Variants in CDHR5 observed in about 807,000 individuals in gnomAD.
CDHR5 encodes the protein cadherin-related family member 5.
Under a neutral mutation model 69.5 loss-of-function variants are expected in CDHR5, and 82 were observed. That is an observed-to-expected ratio of 1.18 (90% confidence interval 0.99 to 1.42). The LOEUF (loss-of-function observed/expected upper bound fraction) is 1.42. CDHR5 is among the 40% of genes most tolerant of loss of function. CDHR5 has a pLI of 0.00. For missense variants in CDHR5, 1,293 were observed against 1,168.9 expected (o/e 1.11, Z -1.55); for synonymous variants, 601 against 510.2 (o/e 1.18, Z -2.40).
Position 621,675 on chromosome 11 carries a change from G to A in CDHR5, c.406-12C>T, listed in dbSNP as rs1589942183. 1.9e-6 allele frequency: 3 copies of A among 1,601,602 alleles called. No individual in the cohort carries two copies. In the South Asian group the frequency reaches 3.3e-5, roughly 18 times the overall value. ...TTCACTTTCGTGTCCTGGGGAGGGA[G>A]AGGGGCTTGGTCCGGCCACACTCTT... On this transcript the variant is annotated splice_polypyrimidine_tract_variant and intron_variant, in intron 4 of 14. Coordinates refer to ENST00000397542, the MANE Select transcript of CDHR5 (RefSeq NM_021924.5). This position sits in a 1 kb window ranked among gnomAD's most constrained non-coding sequence, Gnocchi z 4.4.
chr11:621,979 C>T lies in CDHR5; in HGVS notation c.313-75G>A, dbSNP rs1857435445. On this transcript the variant is annotated intron_variant, in intron 3 of 14. Coordinates refer to ENST00000397542, the MANE Select transcript of CDHR5 (RefSeq NM_021924.5). The surrounding 1 kb of genome is among the most constrained non-coding windows in gnomAD (Gnocchi z 4.4). ...GTGCACCCCTCGACGGCTATCCGTC[C>T]CCACCGTGAGTGAGGTGCACCCCTC... The T allele has an allele frequency of 8.3e-7, 1 of 1,211,344 alleles. No homozygotes were observed. Among genetic ancestry groups the T allele is most frequent in the Non-Finnish European group, 1.2e-6 (1 of 847,050 alleles). 75.0% of individuals were successfully genotyped at this position (1,211,344 alleles called of 1,614,324 possible).
rs755291329 is a variant in CDHR5, at chr11:619,294, AG to A, written c.1378+11del. 5 of 1,582,520 alleles carry A rather than the reference AG, an allele frequency of 3.2e-6. No homozygotes were observed. The highest frequency in any genetic ancestry group is 3.3e-5 in the Admixed American group (2 of 59,726). On this transcript the variant is annotated intron_variant, in intron 12 of 14. Transcript: ENST00000397542. ...GAGAACCCTGGGGGCTCACCTGTGG[AG>A]GGGGGCTTACCTGTGGAGGGGGGCT... is the stretch of plus-strand genomic sequence containing the variant.
At chr11:619,982 TGCCCCG>T in intron 9 of CDHR5, 79 bp downstream of exon 9, 1 of 1,354,522 alleles carries the variant, frequency 7.4e-7, no homozygotes, top group Non-Finnish European at 9.9e-7. Flanking sequence ...GCGGGGGCCC[TGCCCCG>T]GCCCCCCAGC....
rs779296980 is a variant in CDHR5, at chr11:619,018, G to T, written c.1541C>A (p.Thr514Asn). Reference sequence around the variant, plus strand: ...CGGGGGCCCCCCGGGTGTGGACGAGGTTGGTGGCCTCAGAGTTGTGCCAGA... The same window carrying T: ...CGGGGGCCCCCCGGGTGTGGACGAGTTTGGTGGCCTCAGAGTTGTGCCAGA... Reference protein sequence around the residue: ...PPSGTTLRPPTSSTPGGPPGA... With the variant: ...PPSGTTLRPPNSSTPGGPPGA... Residue 514 changes from threonine to asparagine, a missense_variant, in exon 13 of 15, where the codon ACC becomes AAC. Physicochemically the swap from Thr to Asn is moderately conservative, Grantham distance 65 (BLOSUM62 0). Coordinates refer to ENST00000397542, the MANE Select transcript of CDHR5 (RefSeq NM_021924.5). 4 of 1,613,678 alleles carry T rather than the reference G, an allele frequency of 2.5e-6. No individual in the cohort carries two copies. Among genetic ancestry groups the T allele is most frequent in the South Asian group, 1.1e-5 (1 of 91,070 alleles).
chr11:617,729 A>G lies in CDHR5; in HGVS notation c.2160T>C (p.Pro720=). ...CGGGCGCCCAGTTGGCCTTGTGGTCAGGGAGGAACGCCTGGTTGTCAAAGC... is the reference window on the plus strand; with the variant it reads ...CGGGCGCCCAGTTGGCCTTGTGGTCGGGGAGGAACGCCTGGTTGTCAAAGC... ...PQGFDNQAFL[P]DHKANWAPVP... The change falls in exon 15 of 15, where the codon CCT becomes CCC. Residue 720 remains proline, a synonymous_variant. Transcript: ENST00000397542. The G allele has an allele frequency of 6.8e-7, 1 of 1,459,898 alleles. No homozygotes were observed. The highest frequency in any genetic ancestry group is 9.0e-7 in the Non-Finnish European group (1 of 1,114,188). 90.4% of individuals were successfully genotyped at this position (1,459,898 alleles called of 1,614,324 possible).
In CDHR5 at chr11:617,417, C is replaced by T. The variant is rs748198900; in HGVS notation, c.2472G>A (p.Glu824=). 4.3e-6 allele frequency: 7 copies of T among 1,611,988 alleles called. No homozygotes were observed. Among genetic ancestry groups the T allele is most frequent in the Admixed American group, 1.7e-5 (1 of 59,968 alleles). ...CCCCACCCCTCCCCGCGCCCTCGCC[C>T]TCATCGCCGCTGCCGGAGTCACTGG... is the stretch of plus-strand genomic sequence containing the variant. ...DGASDSGSGD[E]GEGAGRGGGP... The change falls in exon 15 of 15, where the codon GAG becomes GAA. Residue 824 remains glutamate (E), a synonymous_variant. Transcript: ENST00000397542.
Position 624,945 on chromosome 11 carries a change from C to G in CDHR5, c.-43G>C. ...GGCAGGAGGGTCTGAGCGGGTCTGG[C>G]GTCTAGGACTGGCGCAGTTCCTACC... On this transcript the variant is annotated 5_prime_UTR_variant, in exon 1 of 15. Transcript: ENST00000397542. The surrounding 1 kb of genome is among the most constrained non-coding windows in gnomAD (Gnocchi z 5.3). 1.4e-6 allele frequency: 2 copies of G among 1,465,424 alleles called. No homozygotes were observed. The highest frequency in any genetic ancestry group is 2.5e-5 in the East Asian group (1 of 40,560). 90.8% of individuals were successfully genotyped at this position (1,465,424 alleles called of 1,614,324 possible).
At position 621,314 on chromosome 11, in the gene CDHR5, G is replaced by T; in HGVS notation, c.618+31C>A. 1 of 1,611,696 alleles carries T rather than the reference G, an allele frequency of 6.2e-7. No homozygotes were observed. On this transcript the variant is annotated intron_variant, in intron 6 of 14. Transcript: ENST00000397542. The surrounding 1 kb of genome is among the most constrained non-coding windows in gnomAD (Gnocchi z 4.4). Reference sequence around the variant, plus strand: ...GCTGGGGCCGGGGGGCCTCAAGTGTGTGGGACTCGGGGCTGGGGTGACCTG... The same window carrying T: ...GCTGGGGCCGGGGGGCCTCAAGTGTTTGGGACTCGGGGCTGGGGTGACCTG...
Position 617,528 on chromosome 11 carries a change from C to T in CDHR5, c.2361G>A (p.Gly787=), listed in dbSNP as rs749003240. 4 of 1,612,436 alleles carry T rather than the reference C, an allele frequency of 2.5e-6. No individual in the cohort carries two copies. Among genetic ancestry groups the T allele is most frequent in the South Asian group, 1.1e-5 (1 of 91,090 alleles). Residue 787 remains glycine (G), a synonymous_variant, in exon 15 of 15, where the codon GGG becomes GGA. Coordinates refer to ENST00000397542, the MANE Select transcript of CDHR5 (RefSeq NM_021924.5). ...CCTCGCCAAACCAGACAGCCTTGTACCCGCCCTCCGGCCGCCGCTCCTTGG... is the reference window on the plus strand; with the variant it reads ...CCTCGCCAAACCAGACAGCCTTGTATCCGCCCTCCGGCCGCCGCTCCTTGG... The part of the protein sequence containing the change: ...ILTKERRPEG[G]YKAVWFGEDI...
chr11:616,977 G>GTATCATTAAAAAAA lies in CDHR5; in HGVS notation c.*373_*374insTTTTTTTAATGATA. On this transcript the variant is annotated 3_prime_UTR_variant, in exon 15 of 15. Coordinates refer to ENST00000397542, the MANE Select transcript of CDHR5 (RefSeq NM_021924.5). ...GGGAGCGGGAGGTCTGAGATGAGCC[G>GTATCATTAAAAAAA]GGTGCCTGAGATCTCCGGTGCAGGT... is the stretch of plus-strand genomic sequence containing the variant. 1 of 260,636 alleles carries GTATCATTAAAAAAA rather than the reference G, an allele frequency of 3.8e-6. No homozygotes were observed. Among genetic ancestry groups the GTATCATTAAAAAAA allele is most frequent in the Non-Finnish European group, 7.4e-6 (1 of 134,896 alleles). 16.1% of individuals were successfully genotyped at this position (260,636 alleles called of 1,614,324 possible).
intron 3 of CDHR5, among the ~76,000 whole-genome samples, chr11:622,687 A>T (rs1418630119): frequency 6.7e-6 from 1 of 149,664 alleles, no homozygotes; most frequent in Non-Finnish European, 1.5e-5. Context: ...TTTTGGCCAC[A>T]TTGGTCTCGA....
chr11:622,211 G>C (rs896208605), intron 3 of CDHR5, among the ~76,000 whole-genome samples: 2 of 152,232 alleles, frequency 1.3e-5, no homozygotes, highest in African/African-American at 4.8e-5. Flanking sequence ...GGGGCTACAG[G>C]GGCTGCACAG....
In CDHR5 at chr11:616,960, G is replaced by A. The variant is rs1330952208; in HGVS notation, c.*391C>T. The stretch of plus-strand genomic sequence containing the variant: ...AATCTCTGTGTAGGGTCGGGAGCGG[G>A]AGGTCTGAGATGAGCCGGGTGCCTG... On this transcript the variant is annotated 3_prime_UTR_variant, in exon 15 of 15. Transcript: ENST00000397542. The A allele has an allele frequency of 4.2e-6, 1 of 237,714 alleles. No homozygotes were observed. The highest frequency in any genetic ancestry group is 8.3e-6 in the Non-Finnish European group (1 of 120,584). The allele number at this position is 237,714 out of a possible 1,614,324, so 14.7% of individuals were successfully genotyped here.
At chr11:617,914 C>T (rs763459526) in intron 14 of CDHR5, 40 bp downstream of exon 14, 111 of 1,597,940 alleles carry the variant, frequency 6.9e-5, no homozygotes, top group Non-Finnish European at 8.9e-5. Context: ...CCCCCACTTC[C>T]TGCCTGGTCG....
At position 621,401 on chromosome 11, in the gene CDHR5, C is replaced by T; in HGVS notation, c.562G>A (p.Asp188Asn). The stretch of plus-strand genomic sequence containing the variant: ...CGCTCGTAGAAGTCCAGGGGCCGGT[C>T]CAGCCTCAGGGCGGGACGGTTTACA... Reference protein sequence around the residue: ...VSVNRPALRLDRPLDFYERPN... With the variant: ...VSVNRPALRLNRPLDFYERPN... The change falls in exon 6 of 15, where the codon GAC becomes AAC. Residue 188 changes from aspartate (D) to asparagine (N), a missense_variant. Coordinates refer to ENST00000397542, the MANE Select transcript of CDHR5 (RefSeq NM_021924.5). The surrounding 1 kb of genome is among the most constrained non-coding windows in gnomAD (Gnocchi z 4.4). The T allele has an allele frequency of 6.2e-7, 1 of 1,613,010 alleles. No individual in the cohort carries two copies. The highest frequency in any genetic ancestry group is 1.1e-5 in the South Asian group (1 of 91,088).
chr11:624,406 GGCCCA>G lies in CDHR5; in HGVS notation c.261+146_262-144del, dbSNP rs975476861. The G allele has an allele frequency of 6.0e-6, 5 of 839,480 alleles. No individual in the cohort carries two copies. Among genetic ancestry groups the G allele is most frequent in the Non-Finnish European group, 1.0e-5 (5 of 492,864 alleles). 52.0% of individuals were successfully genotyped at this position (839,480 alleles called of 1,614,324 possible). A position where few individuals can be genotyped will look rare whatever the true frequency, so the allele number is the denominator to read the frequency against. ...GGCCCAGGCAGCTTCATCCCGAAAT[GGCCCA>G]GCCTTCTAGGGCAGGCACCACCAAG... On this transcript the variant is annotated intron_variant, in intron 2 of 14. Transcript: ENST00000397542. The surrounding 1 kb of genome is among the most constrained non-coding windows in gnomAD (Gnocchi z 5.3).
intron 13 of CDHR5, among the ~76,000 whole-genome samples, 192 bp from the exon 14 acceptor site, chr11:618,303 C>T (rs975690153): frequency 1.3e-5 from 2 of 152,224 alleles, no homozygotes; most frequent in Non-Finnish European, 1.5e-5. Flanking sequence ...CCCCCTCCCC[C>T]CCGGGAGGCC....
chr11:621,708 G>A lies in CDHR5; in HGVS notation c.406-45C>T, dbSNP rs951571180. 1 of 1,556,472 alleles carries A rather than the reference G, an allele frequency of 6.4e-7. No individual in the cohort carries two copies. The highest frequency in any genetic ancestry group is 8.9e-7 in the Non-Finnish European group (1 of 1,128,550). On this transcript the variant is annotated intron_variant, in intron 4 of 14. Transcript: ENST00000397542. This position sits in a 1 kb window ranked among gnomAD's most constrained non-coding sequence, Gnocchi z 4.4. ...TGGTCCGGCCACACTCTTGGCCCCT[G>A]TGGACCCCCACTGTGGTTGAGCCCC...
rs547569301 is a variant in CDHR5 at position 619,540 on chromosome 11, G to A, written c.1227C>T (p.Phe409=). The A allele has an allele frequency of 1.9e-6, 3 of 1,614,002 alleles. No homozygotes were observed. Among genetic ancestry groups the A allele is most frequent in the African/African-American group, 2.7e-5 (2 of 75,040 alleles). ...TCAGCACAACCTCTCCCTCCATCCG[G>A]AAGTGTGAGTGGTTGGTAATTCGAT... The part of the protein sequence containing the change: ...ITYRITNHSH[F]RMEGEVVLTT... Residue 409 remains phenylalanine (F), a synonymous_variant, in exon 11 of 15, where the codon TTC becomes TTT. Transcript: ENST00000397542.
Sources: gnomAD v4.1 joint callset for allele counts (sites outside exome capture counted in the v4.1 genomes callset) on GRCh38, gnomAD v4.1.1 for gene constraint, Gnocchi (gnomAD v3.1) non-coding constraint, MANE v1.5 for transcripts, NCBI Gene and HGNC (gene_info 2026-07-23, HGNC 2026-07-21) for gene names.